PIGN: variants seen among roughly 807,000 people sequenced by gnomAD.
The protein encoded by PIGN is GPI ethanolamine phosphate transferase 1.
Under a neutral mutation model 125.4 loss-of-function variants are expected in PIGN, and 117 were observed. That is an observed-to-expected ratio of 0.93 (90% confidence interval 0.80 to 1.09). PIGN has a LOEUF of 1.09. Among genes scored for constraint, PIGN ranks in the 50% least tolerant of loss-of-function variants. The pLI is 0.00. For synonymous variants in PIGN, 392 were observed against 377.8 expected, an observed-to-expected ratio of 1.04 and a Z score of -0.44; for missense variants, 1,075 against 1,094.9, an observed-to-expected ratio of 0.98 and a Z score of 0.26.
At chr18:62,034,671 C>A (rs2030234859) in intron 23 of PIGN, among the ~76,000 whole-genome samples, 1 of 152,158 alleles carries the variant, frequency 6.6e-6, no homozygotes, top group Non-Finnish European at 1.5e-5. Flanking sequence ...GGGCCTGTAG[C>A]TCCTTCGTTT....
At chr18:62,118,458 G>A (rs2035170960) in intron 14 of PIGN, 4 of 151,906 alleles carry the variant, frequency 2.6e-5, no homozygotes, top group African/African-American at 9.7e-5. Context: ...GGAAACCACA[G>A]GGAAGTAATC....
rs1204147408 is a variant in PIGN at position 62,085,264 on chromosome 18, C to T, written c.2371G>A (p.Val791Ile). ...AAAAATGCTGTCACTAAGAAGAAAA[C>T]CTAAAGGGAGTCAAGGAAATGGCAA... is the stretch of plus-strand genomic sequence containing the variant. ...LDDIRRAFFL[V>I]FFLVTAFFGT... is the part of the protein sequence containing the mutation. The change falls in exon 26 of 31, where the codon GTT (valine) becomes ATT (isoleucine). Residue 791 changes from valine to isoleucine, a missense_variant and splice_region_variant. By Grantham distance (29) the Val-to-Ile change is conservative. Transcript: ENST00000640252. 1.6e-5 allele frequency: 25 copies of T among 1,540,914 alleles called. No homozygotes were observed. In the South Asian group the frequency reaches 2.6e-4, roughly 16 times the overall value.
intron 15 of PIGN, among the ~76,000 whole-genome samples, chr18:62,114,168 C>T (rs1310804169): frequency 6.6e-6 from 1 of 152,102 alleles, no homozygotes; most frequent in African/African-American, 2.4e-5. Context: ...TCAAGACCAG[C>T]CTGGCCAACA....
intron 16 of PIGN, 57 bp downstream of exon 16, chr18:62,113,077 G>T: frequency 7.7e-7 from 1 of 1,298,684 alleles, no homozygotes; most frequent in Non-Finnish European, 1.1e-6. Context: ...CATTACACTG[G>T]ATTCAGTACT....
At chr18:62,101,521 T>G (rs1221086624) in intron 21 of PIGN, among the ~76,000 whole-genome samples, 1 of 152,210 alleles carries the variant, frequency 6.6e-6, no homozygotes, top group Non-Finnish European at 1.5e-5. Flanking sequence ...TCAAAGCTAC[T>G]ATGGCTTAAG....
At chr18:62,164,083 T>C (rs2037048198) in intron 1 of PIGN, among the ~76,000 whole-genome samples, 1 of 152,210 alleles carries the variant, frequency 6.6e-6, no homozygotes, top group Non-Finnish European at 1.5e-5. Flanking sequence ...CACTTATTCA[T>C]AGACATTTGA....
At chr18:62,120,783 C>A (rs1031206957) in intron 14 of PIGN, among the ~76,000 whole-genome samples, 7 of 150,860 alleles carry the variant, frequency 4.6e-5, no homozygotes, top group African/African-American at 1.7e-4. Context: ...TACAAAAAAA[C>A]AAAATAAAAC....
intron 27 of PIGN, among the ~76,000 whole-genome samples, chr18:62,083,541 A>G (rs2033548133): frequency 1.3e-5 from 2 of 152,166 alleles, no homozygotes; most frequent in African/African-American, 4.8e-5. Flanking sequence ...AAAAGTCATC[A>G]AGTGTATTAT....
chr18:62,098,087 TTG>T (rs1454826227), intron 22 of PIGN, among the ~76,000 whole-genome samples: 1 of 152,204 alleles, frequency 6.6e-6, no homozygotes, highest in Non-Finnish European at 1.5e-5. Context: ...CATTAAAAAG[TTG>T]TGAGGATTAA....
chr18:62,076,064 T>G (rs1306700327), intron 28 of PIGN: 1 of 152,260 alleles, frequency 6.6e-6, no homozygotes, highest in African/African-American at 2.4e-5. Flanking sequence ...GTCTCCCAAG[T>G]AGCTGGGACT....
intron 13 of PIGN, among the ~76,000 whole-genome samples, chr18:62,138,573 C>T (rs748523019): frequency 1.6e-4 from 25 of 152,030 alleles, no homozygotes; most frequent in Non-Finnish European, 2.4e-4. Context: ...CAAGCCAAAC[C>T]GCTTATTCTT....
chr18:62,165,249 A>G (rs926797937), intron 1 of PIGN, among the ~76,000 whole-genome samples: 1 of 152,180 alleles, frequency 6.6e-6, no homozygotes, highest in Non-Finnish European at 1.5e-5. Context: ...CTTCTCTGCC[A>G]TGTTATAACA....
intron 30 of PIGN, among the ~76,000 whole-genome samples, chr18:62,061,263 G>C (rs191249429): frequency 3.3e-5 from 5 of 151,974 alleles, no homozygotes; most frequent in African/African-American, 1.2e-4. Context: ...TTAATAACAG[G>C]TGACAAATCT....
downstream of PIGN, among the ~76,000 whole-genome samples, chr18:62,038,497 T>C (rs143084357): frequency 6.8e-4 from 103 of 152,126 alleles, no homozygotes; most frequent in African/African-American, 2.4e-3. Context: ...CCTAAACTAG[T>C]CAAATGTGGT....
At chr18:62,035,730 A>G (rs755747355) in intron 23 of PIGN, among the ~76,000 whole-genome samples, 3 of 151,352 alleles carry the variant, frequency 2.0e-5, no homozygotes, top group Non-Finnish European at 2.9e-5. Flanking sequence ...CCTGTGTCCA[A>G]GTGTTCTCAT....
chr18:62,183,906 A>G (rs887828845), intron 1 of PIGN, among the ~76,000 whole-genome samples: 19 of 152,084 alleles, frequency 1.2e-4, no homozygotes, highest in African/African-American at 3.6e-4. Context: ...ATAAAATTGC[A>G]GTTATTACAA....
Position 62,161,211 on chromosome 18 carries a change from A to G in PIGN, c.143T>C (p.Leu48Ser). ...PLPPPARRLV[L>S]FVADGLRADA... ...TGCTCGAAGGCCATCAGCAACAAAC[A>G]ACACTAATCTTCTCGCTGGAGGAGG... Residue 48 changes from leucine to serine, a missense_variant, in exon 4 of 31, where the codon TTG becomes TCG. Around this residue, in one of 3 missense-constraint regions of PIGN, gnomAD observed 152 missense variants for 162.9 expected, o/e 0.93. Coordinates refer to ENST00000640252, the MANE Select transcript of PIGN (RefSeq NM_176787.5). 1 of 1,613,922 alleles carries G rather than the reference A, an allele frequency of 6.2e-7. No individual in the cohort carries two copies.
At chr18:62,054,100 C>T (rs1005073567) in intron 30 of PIGN, among the ~76,000 whole-genome samples, 1 of 152,114 alleles carries the variant, frequency 6.6e-6, no homozygotes, top group Non-Finnish European at 1.5e-5. Context: ...CTAAAGCAAG[C>T]GCAGACGGGG....
chr18:62,181,080 T>C (rs1032260371), intron 1 of PIGN, among the ~76,000 whole-genome samples: 17 of 152,196 alleles, frequency 1.1e-4, no homozygotes, highest in Admixed American at 3.3e-4. Context: ...TCACAAGTAT[T>C]AGTACTGCTA....
Sources: allele counts gnomAD v4.1 joint callset (sites outside exome capture counted in the v4.1 genomes callset), GRCh38; gene constraint gnomAD v4.1.1; regional missense constraint gnomAD v4.1.1; transcripts MANE v1.5; gene names NCBI Gene and HGNC (gene_info 2026-07-23, HGNC 2026-07-21).